TMEM217: variants seen among roughly 807,000 people sequenced by gnomAD.
TMEM217 encodes transmembrane protein 217, also known as chromosome 6 open reading frame 128.
For synonymous variants in TMEM217, 76 were observed against 88.3 expected (o/e 0.86, Z 0.78); for missense variants, 204 against 248.8 (o/e 0.82, Z 1.21).
chr6:37,242,990 G>A (rs2113894067), intron 1 of TMEM217, among the ~76,000 whole-genome samples: 1 of 152,312 alleles, frequency 6.6e-6, no homozygotes, highest in East Asian at 1.9e-4. Context: ...GGCACATGTA[G>A]CTGCAGGAGA....
intron 1 of TMEM217, among the ~76,000 whole-genome samples, chr6:37,223,835 T>C (rs917440209): frequency 9.9e-5 from 15 of 151,740 alleles, no homozygotes; most frequent in African/African-American, 2.9e-4. Flanking sequence ...TATTTATTTA[T>C]AGAGATGGAG....
At chr6:37,228,085 G>A (rs139158638) in intron 1 of TMEM217, among the ~76,000 whole-genome samples, 3 of 152,176 alleles carry the variant, frequency 2.0e-5, no homozygotes, top group Admixed American at 6.5e-5. Flanking sequence ...CAAATAAATG[G>A]GTGAGGTTGA....
chr6:37,243,664 T>A (rs1264053302), intron 1 of TMEM217, among the ~76,000 whole-genome samples: 4 of 152,190 alleles, frequency 2.6e-5, no homozygotes, highest in Admixed American at 6.5e-5. Context: ...AATGGCATGA[T>A]CTCGGCTCAC....
intron 1 of TMEM217, among the ~76,000 whole-genome samples, chr6:37,240,717 A>G (rs1460352616): frequency 6.6e-6 from 1 of 152,196 alleles, no homozygotes; most frequent in Non-Finnish European, 1.5e-5. Flanking sequence ...ATGTGTGTGT[A>G]TTTGAGAAAC....
downstream of TMEM217, chr6:37,212,877 G>A (rs770489825): frequency 6.7e-7 from 1 of 1,486,182 alleles, no homozygotes; most frequent in South Asian, 1.2e-5. Flanking sequence ...CATAGCAAAT[G>A]TGTGTCTTCT....
At chr6:37,247,651 G>T (rs1389567895) in intron 1 of TMEM217, among the ~76,000 whole-genome samples, 1 of 152,122 alleles carries the variant, frequency 6.6e-6, no homozygotes, top group Non-Finnish European at 1.5e-5. Context: ...CTCCCAAAGT[G>T]CTGGGATTAC....
chr6:37,221,292 T>G lies in TMEM217; in HGVS notation c.-11-2251A>C, dbSNP rs1162090105. On this transcript the variant is annotated intron_variant, in intron 1 of 1. Transcript: ENST00000357219. ...ACCTCCATCTCCTGGGTTCAAGCGA[T>G]TCTCGTGCCTCAGCCTCCCAAGTAG... 3.3e-5 allele frequency among the ~76,000 whole-genome samples: 5 copies of G among 152,054 alleles called. No homozygotes were observed. The South Asian group carries it at 1.0e-3, about 32-fold the overall frequency.
At chr6:37,250,014 CA>C (rs1765313070) in intron 1 of TMEM217, among the ~76,000 whole-genome samples, 1 of 152,158 alleles carries the variant, frequency 6.6e-6, no homozygotes, top group Non-Finnish European at 1.5e-5. Context: ...AAATGTCCAT[CA>C]GTAGTAGCAT....
At chr6:37,231,541 C>T (rs1222376716) in intron 1 of TMEM217, among the ~76,000 whole-genome samples, 2 of 150,100 alleles carry the variant, frequency 1.3e-5, no homozygotes, top group Non-Finnish European at 3.0e-5. Flanking sequence ...GTCATGGTGG[C>T]GTGCACCTGT....
chr6:37,221,190 C>G (rs1362848406), intron 1 of TMEM217, among the ~76,000 whole-genome samples: 1 of 143,496 alleles, frequency 7.0e-6, no homozygotes, highest in Non-Finnish European at 1.5e-5. Flanking sequence ...TAAGTGGAGT[C>G]TTTTTTTTTT....
At chr6:37,215,597 AAAAAG>A (rs1561998683), downstream of TMEM217, among the ~76,000 whole-genome samples, 3 of 146,884 alleles carry the variant, frequency 2.0e-5, no homozygotes, top group Admixed American at 6.9e-5. Context: ...AAAAAAAAAA[AAAAAG>A]AAAAGAAAAA....
chr6:37,218,960 A>G, exon 2 of TMEM217: 9 of 1,614,238 alleles, frequency 5.6e-6, no homozygotes, highest in South Asian at 1.1e-5. Flanking sequence ...GTCTACGGCC[A>G]TGATGGTGAA....
intron 1 of TMEM217, among the ~76,000 whole-genome samples, chr6:37,220,990 A>G (rs1763479553): frequency 6.6e-6 from 1 of 152,130 alleles, no homozygotes; most frequent in Non-Finnish European, 1.5e-5. Flanking sequence ...AACCATTTTT[A>G]AGTAGACAGT....
rs146049987 is a variant in TMEM217 at position 37,223,480 on chromosome 6, C to T, written c.-11-4439G>A. Among the ~76,000 whole-genome samples the T allele has an allele frequency of 1.4e-4, 21 of 152,290 alleles. 1 individual carries two copies. The East Asian group carries it at 3.9e-3, about 28-fold the overall frequency. On this transcript the variant is annotated intron_variant, in intron 1 of 1. Coordinates refer to ENST00000357219, the Ensembl canonical transcript of TMEM217. ...AAGCAAAACAAACAAATAGAAACCC[C>T]TGCCAACCTAGGATTCTATACTCAA...
intron 1 of TMEM217, among the ~76,000 whole-genome samples, chr6:37,226,411 G>GC (rs2113838806): frequency 6.8e-6 from 1 of 147,850 alleles, no homozygotes; most frequent in East Asian, 2.0e-4. Flanking sequence ...TCCTGCCTCA[G>GC]CCTCCCAAGT....
At position 37,218,317 on chromosome 6, in the gene TMEM217, T is replaced by C. The variant is rs1763330126; in HGVS notation, c.*105A>G. The C allele has an allele frequency of 2.1e-5, 24 of 1,154,778 alleles. No individual in the cohort carries two copies. In the East Asian group the frequency reaches 5.9e-4, roughly 28 times the overall value. 71.5% of individuals were successfully genotyped at this position (1,154,778 alleles called of 1,614,324 possible). A position where few individuals can be genotyped will look rare whatever the true frequency, so the allele number is the denominator to read the frequency against. ...TCAAGTGGCTGGGATTACAGGTGTGTGCCGCCACGCCTGGCTAATTTTCTA... is the reference window on the plus strand; with the variant it reads ...TCAAGTGGCTGGGATTACAGGTGTGCGCCGCCACGCCTGGCTAATTTTCTA... On this transcript the variant is annotated 3_prime_UTR_variant, in exon 2 of 2. Transcript: ENST00000357219.
At chr6:37,229,335 G>GTTTTTTGT (rs1764040586) in intron 1 of TMEM217, among the ~76,000 whole-genome samples, 1 of 74,368 alleles carries the variant, frequency 1.3e-5, no homozygotes, top group Middle Eastern at 0.017. Flanking sequence ...GCAACTTTCA[G>GTTTTTTGT]TTTTTTTTTT....
intron 1 of TMEM217, among the ~76,000 whole-genome samples, chr6:37,243,226 T>C (rs1180917919): frequency 6.6e-6 from 1 of 152,236 alleles, no homozygotes; most frequent in Non-Finnish European, 1.5e-5. Flanking sequence ...TTACTCTCTG[T>C]TTGCCCCTTC....
At chr6:37,212,512 G>A (rs1455318876) in exon 4 of TMEM217, 2 of 457,258 alleles carry the variant, frequency 4.4e-6, no homozygotes, top group Non-Finnish European at 8.8e-6. Flanking sequence ...CCTGCCCACA[G>A]TCTGGGATTC....
Sources: gnomAD v4.1 joint callset for allele counts (sites outside exome capture counted in the v4.1 genomes callset) on GRCh38, gnomAD v4.1.1 for gene constraint, MANE v1.5 for transcripts, NCBI Gene and HGNC (gene_info 2026-07-23, HGNC 2026-07-21) for gene names.